Variants in CLDN14 observed in about 807,000 individuals in gnomAD.
CLDN14 encodes the protein claudin 14.
A neutral mutation model predicts 2.1 loss-of-function variants in CLDN14; 2 were observed. The ratio of observed to expected loss-of-function variants is 0.96; its 90% CI spans 0.39 to 3.01. The LOEUF is 3.01. Ranked by LOEUF, CLDN14 falls within the 30% of genes most tolerant of loss-of-function variation. CLDN14 has a pLI of 0.09. For synonymous variants in CLDN14, 136 were observed against 154.4 expected, an observed-to-expected ratio of 0.88 and a Z score of 0.88; for missense variants, 298 against 328.0, an observed-to-expected ratio of 0.91 and a Z score of 0.71.
intron 1 of CLDN14, among the ~76,000 whole-genome samples, chr21:36,467,412 G>A (rs776651458): frequency 1.2e-4 from 18 of 152,050 alleles, no homozygotes; most frequent in Admixed American, 5.9e-4. Context: ...CCCTCCCTGG[G>A]CATGTCTGTT....
intron 1 of CLDN14, among the ~76,000 whole-genome samples, chr21:36,520,050 T>C (rs2146492330): frequency 6.6e-6 from 1 of 152,332 alleles, no homozygotes; most frequent in African/African-American, 2.4e-5. Flanking sequence ...ATCAAGATGT[T>C]GGCAGGGCTG....
In CLDN14 at chr21:36,461,153, A is replaced by C. The variant is rs749515217; in HGVS notation, c.543T>G (p.Leu181=). The change falls in exon 2 of 2, where the codon CTT becomes CTG. Residue 181 remains leucine, a synonymous_variant. Transcript: ENST00000399135. ...SSLSLIGGTL[L]CLSCQDEAPY... is the part of the protein sequence containing the mutation. The stretch of plus-strand genomic sequence containing the variant: ...GTGCCTCGTCCTGGCAGGACAGGCA[A>C]AGCAGGGTGCCACCAATGAGCGAGA... 6.2e-7 allele frequency: 1 copy of C among 1,613,828 alleles called. No homozygotes were observed. The highest frequency in any genetic ancestry group is 8.5e-7 in the Non-Finnish European group (1 of 1,179,724).
At chr21:36,532,057 A>T (rs985717205) in intron 1 of CLDN14, 9 of 152,222 alleles carry the variant, frequency 5.9e-5, no homozygotes, top group Non-Finnish European at 1.3e-4. Context: ...CTACGTTAAG[A>T]TGCTATTTTT....
chr21:36,533,487 G>A (rs554530666), intron 1 of CLDN14, among the ~76,000 whole-genome samples: 13 of 152,150 alleles, frequency 8.5e-5, no homozygotes, highest in Admixed American at 2.0e-4. Context: ...AGTGGGGCGC[G>A]CCCATTCTCT....
chr21:36,485,093 G>C (rs1326302328), upstream of CLDN14, among the ~76,000 whole-genome samples: 1 of 151,590 alleles, frequency 6.6e-6, no homozygotes, highest in African/African-American at 2.4e-5. Context: ...CACATTCACA[G>C]GCACCAGAAG....
intron 1 of CLDN14, among the ~76,000 whole-genome samples, chr21:36,470,906 G>A (rs1012743421): frequency 6.6e-6 from 1 of 152,232 alleles, no homozygotes; most frequent in Non-Finnish European, 1.5e-5. Flanking sequence ...AGCCTGGGAG[G>A]CATAGATTGC....
intron 1 of CLDN14, among the ~76,000 whole-genome samples, chr21:36,467,023 G>A (rs1284153038): frequency 1.3e-5 from 2 of 152,152 alleles, no homozygotes; most frequent in Non-Finnish European, 2.9e-5. Flanking sequence ...ATCAGAAAAC[G>A]ACAGAGCGGT....
intron 1 of CLDN14, among the ~76,000 whole-genome samples, chr21:36,515,099 T>C (rs2087217150): frequency 6.6e-6 from 1 of 152,096 alleles, no homozygotes; most frequent in Non-Finnish European, 1.5e-5. Flanking sequence ...GAAACGCTTT[T>C]GCACTATTGG....
In CLDN14 at chr21:36,499,992, GA is replaced by G. The variant is rs2087079145; in HGVS notation, c.-82+10370del. ...ACCTGTCTTCCAATGCGAGTCCCGC[GA>G]GGTGAAGAATTAGAGCATGTTGTTC... On this transcript the variant is annotated intron_variant, in intron 2 of 2. Transcript: ENST00000342108. This position sits in a 1 kb window ranked among gnomAD's most constrained non-coding sequence, Gnocchi z 4.7. Among the ~76,000 whole-genome samples, 1 of 150,530 alleles carries G rather than the reference GA, an allele frequency of 6.6e-6. No individual in the cohort carries two copies. Among genetic ancestry groups the G allele is most frequent in the Non-Finnish European group, 1.5e-5 (1 of 67,606 alleles).
intron 1 of CLDN14, among the ~76,000 whole-genome samples, chr21:36,569,340 C>T (rs1345573690): frequency 6.6e-6 from 1 of 151,422 alleles, no homozygotes; most frequent in African/African-American, 2.4e-5. Flanking sequence ...CGCTTGAACC[C>T]GGGAGGCAAA....
intron 1 of CLDN14, among the ~76,000 whole-genome samples, chr21:36,525,025 TC>T (rs1471399139): frequency 6.6e-6 from 1 of 152,138 alleles, no homozygotes; most frequent in African/African-American, 2.4e-5. Context: ...TGGGCGCTGC[TC>T]CGACACCCAC....
intron 2 of CLDN14, among the ~76,000 whole-genome samples, chr21:36,493,585 A>C (rs1394748277): frequency 6.6e-6 from 1 of 152,110 alleles, no homozygotes; most frequent in Admixed American, 6.6e-5. Context: ...AGGGAAGCTC[A>C]GTTCTTCCAG....
intron 1 of CLDN14, among the ~76,000 whole-genome samples, chr21:36,565,435 A>G (rs1174008698): frequency 2.0e-5 from 3 of 151,538 alleles, no homozygotes; most frequent in Non-Finnish European, 4.4e-5. Flanking sequence ...TTTTTTTTAA[A>G]TATGCAACTC....
chr21:36,472,207 G>A (rs1053241333), intron 1 of CLDN14, among the ~76,000 whole-genome samples: 6 of 152,210 alleles, frequency 3.9e-5, no homozygotes, highest in African/African-American at 1.4e-4. Flanking sequence ...GATCTTTCAG[G>A]TAAGAGATGC....
rs1023292779 is a variant in CLDN14 at position 36,544,477 on chromosome 21, G to C, written c.-220+31934C>G. On this transcript the variant is annotated intron_variant, in intron 1 of 2. Transcript: ENST00000342108. The surrounding 1 kb of genome is among the most constrained non-coding windows in gnomAD (Gnocchi z 4.1). ...TCATCCCTGCCTGCAGCTATTGACT[G>C]TTTGCATAGGAGGGGATGGAGTTGG... Among the ~76,000 whole-genome samples the C allele has an allele frequency of 6.6e-6, 1 of 152,180 alleles. No individual in the cohort carries two copies. The highest frequency in any genetic ancestry group is 2.4e-5 in the African/African-American group (1 of 41,430).
intron 2 of CLDN14, among the ~76,000 whole-genome samples, chr21:36,507,039 C>T (rs1392967839): frequency 6.6e-6 from 1 of 151,948 alleles, no homozygotes; most frequent in East Asian, 1.9e-4. Flanking sequence ...AGAAGGGCTG[C>T]TTGAGCCCAG....
chr21:36,545,337 G>A lies in CLDN14; in HGVS notation c.-220+31074C>T, dbSNP rs1236378465. The stretch of plus-strand genomic sequence containing the variant: ...CTTCAAAAGTTCTCTGAGTTCCCAA[G>A]TCTTTCACAGGCTGCTTGCTACACA... On this transcript the variant is annotated intron_variant, in intron 1 of 2. Transcript: ENST00000342108. Among the ~76,000 whole-genome samples the A allele has an allele frequency of 2.0e-5, 3 of 152,210 alleles. No homozygotes were observed. The East Asian group carries it at 5.8e-4, about 29-fold the overall frequency.
intron 2 of CLDN14, among the ~76,000 whole-genome samples, chr21:36,492,554 G>A (rs566935504): frequency 6.6e-6 from 1 of 151,956 alleles, no homozygotes; most frequent in Admixed American, 6.6e-5. Flanking sequence ...TCTTGAGCCC[G>A]GGAGGTGGAG....
At chr21:36,476,593 C>T (rs749332865) in intron 1 of CLDN14, among the ~76,000 whole-genome samples, 10 of 152,192 alleles carry the variant, frequency 6.6e-5, no homozygotes, top group Non-Finnish European at 1.0e-4. Context: ...GCTGGGATTA[C>T]AGGCGCCTGC....
Sources: allele counts gnomAD v4.1 joint callset (sites outside exome capture counted in the v4.1 genomes callset), GRCh38; gene constraint gnomAD v4.1.1; non-coding constraint Gnocchi (gnomAD v3.1); transcripts MANE v1.5; gene names NCBI Gene and HGNC (gene_info 2026-07-23, HGNC 2026-07-21).